The following IL1RAPL1 variants were observed in gnomAD, a reference collection of about 807,000 sequenced individuals.
The protein encoded by IL1RAPL1 is interleukin 1 receptor accessory protein like 1, also known as interleukin-1 receptor accessory protein-like 1.
Under a neutral mutation model 48.4 loss-of-function variants are expected in IL1RAPL1, and 3 were observed. That is an observed-to-expected ratio of 0.06 (90% confidence interval 0.03 to 0.16). IL1RAPL1 has a LOEUF of 0.16. Ranked by LOEUF, IL1RAPL1 falls within the 10% of genes least tolerant of loss-of-function variation. IL1RAPL1 has a pLI of 1.00. For synonymous variants in IL1RAPL1, 185 were observed against 187.7 expected (o/e 0.99, Z 0.12); for missense variants, 349 against 530.6 (o/e 0.66, Z 3.36).
intron 2 of IL1RAPL1, among the ~76,000 whole-genome samples, chrX:28,819,979 T>G (rs1286804093): frequency 3.4e-4 from 21 of 62,147 alleles, no homozygotes; most frequent in East Asian, 2.7e-3. Context: ...TATATATATA[T>G]ATATATATAT....
chrX:29,563,394 A>G (rs1922303552), intron 5 of IL1RAPL1, among the ~76,000 whole-genome samples: 1 of 111,949 alleles, frequency 8.9e-6, no homozygotes, highest in Non-Finnish European at 1.9e-5. Context: ...GGTTCCTTAG[A>G]GATGATATAC....
intron 5 of IL1RAPL1, among the ~76,000 whole-genome samples, chrX:29,638,268 C>CTTTTT (rs775877178): frequency 2.1e-5 from 2 of 93,364 alleles, no homozygotes; most frequent in Admixed American, 1.2e-4. Flanking sequence ...CACCAATTAA[C>CTTTTT]TTTTTTTTTT....
chrX:29,889,178 C>G (rs1393864264), intron 6 of IL1RAPL1, among the ~76,000 whole-genome samples: 2 of 111,357 alleles, frequency 1.8e-5, no homozygotes, highest in Non-Finnish European at 3.8e-5. Context: ...AATTGAGGCT[C>G]CTTTATATTA....
At chrX:29,639,289 C>T (rs1925086020) in intron 5 of IL1RAPL1, among the ~76,000 whole-genome samples, 1 of 111,296 alleles carries the variant, frequency 9.0e-6, no homozygotes, top group Non-Finnish European at 1.9e-5. Context: ...CTAGACATGC[C>T]TGGCTCTAAT....
At position 28,606,916 on chromosome X, in the gene IL1RAPL1, G is replaced by T. The variant is rs147050925; in HGVS notation, c.-25+18869G>T. On this transcript the variant is annotated intron_variant, in intron 1 of 10. Coordinates refer to ENST00000378993, the MANE Select transcript of IL1RAPL1 (RefSeq NM_014271.4). ...AAAAAAATAAAAATGATTGTAATGAGGTATTCTTATGTGCATCACAAATGT... is the reference window on the plus strand; with the variant it reads ...AAAAAAATAAAAATGATTGTAATGATGTATTCTTATGTGCATCACAAATGT... 1.2e-4 allele frequency among the ~76,000 whole-genome samples: 13 copies of T among 111,225 alleles called. No individual in the cohort carries two copies. The East Asian group carries it at 2.2e-3, about 19-fold the overall frequency.
At chrX:28,971,886 G>GTGTGTGTGTGTA (rs1925082462) in intron 2 of IL1RAPL1, among the ~76,000 whole-genome samples, 1 of 104,961 alleles carries the variant, frequency 9.5e-6, no homozygotes, top group African/African-American at 3.5e-5. Context: ...TTGTGTGTGT[G>GTGTGTGTGTGTA]TGTGTGTGTG....
chrX:29,779,989 G>A (rs1332156387), intron 6 of IL1RAPL1, among the ~76,000 whole-genome samples: 1 of 110,822 alleles, frequency 9.0e-6, no homozygotes, highest in Non-Finnish European at 1.9e-5. Context: ...AAAAAATTTA[G>A]GGGAAAAAAG....
chrX:29,203,722 AATATATATATATATATATATATAT>A (rs56950481), intron 2 of IL1RAPL1, among the ~76,000 whole-genome samples: 1,770 of 78,412 alleles, frequency 0.023, 81 homozygotes, highest in African/African-American at 0.091. Flanking sequence ...TCCGTCTCAA[AATATATATATATATATATATATAT>A]ATATATATAT....
At position 29,479,628 on chromosome X, in the gene IL1RAPL1, G is replaced by A. The variant is rs142466786; in HGVS notation, c.703+80320G>A. 8.8e-4 allele frequency among the ~76,000 whole-genome samples: 96 copies of A among 108,594 alleles called. No homozygotes were observed. In the Middle Eastern group the frequency reaches 0.019, roughly 21 times the overall value. The allele number at this position is 108,594 out of a possible 115,157, so 94.3% of individuals were successfully genotyped here. On this transcript the variant is annotated intron_variant, in intron 5 of 10. Coordinates refer to ENST00000378993, the MANE Select transcript of IL1RAPL1 (RefSeq NM_014271.4). ...AAATTTTAGTGCACCCATCACCTGC[G>A]CAGTGTACGCTATAATGTAGTCTTT... is the stretch of plus-strand genomic sequence containing the variant.
At chrX:28,713,485 A>G (rs956539764) in intron 1 of IL1RAPL1, among the ~76,000 whole-genome samples, 6 of 111,699 alleles carry the variant, frequency 5.4e-5, no homozygotes, top group Non-Finnish European at 1.1e-4. Flanking sequence ...ACAATTTAAT[A>G]TTATGCCTAA....
At chrX:29,006,746 A>G (rs1233672438) in intron 2 of IL1RAPL1, among the ~76,000 whole-genome samples, 1 of 107,412 alleles carries the variant, frequency 9.3e-6, no homozygotes, top group Non-Finnish European at 1.9e-5. Flanking sequence ...TGTTTCCTGG[A>G]AACAGGAAGA....
intron 5 of IL1RAPL1, among the ~76,000 whole-genome samples, chrX:29,492,929 T>G (rs1935173702): frequency 2.7e-5 from 3 of 111,669 alleles, no homozygotes. Context: ...ATTATAGACA[T>G]TGCCTGTTAA....
At chrX:29,917,214 T>C (rs779800747) in intron 6 of IL1RAPL1, among the ~76,000 whole-genome samples, 4 of 111,968 alleles carry the variant, frequency 3.6e-5, no homozygotes, top group Non-Finnish European at 7.5e-5. Context: ...ACGGGAAAAA[T>C]GTTCTGTACA....
intron 5 of IL1RAPL1, among the ~76,000 whole-genome samples, chrX:29,474,219 C>T (rs752959453): frequency 5.4e-5 from 6 of 111,936 alleles, no homozygotes; most frequent in Non-Finnish European, 1.1e-4. Context: ...GTTTCTGTCC[C>T]CTGAAATCCT....
intron 6 of IL1RAPL1, among the ~76,000 whole-genome samples, chrX:29,722,526 A>T (rs1927662710): frequency 8.9e-6 from 1 of 111,813 alleles, no homozygotes; most frequent in African/African-American, 3.3e-5. Flanking sequence ...TTGAGTGATA[A>T]ATCTTTTTTG....
intron 2 of IL1RAPL1, among the ~76,000 whole-genome samples, chrX:29,082,292 C>G (rs958300512): frequency 8.9e-6 from 1 of 111,987 alleles, no homozygotes; most frequent in African/African-American, 3.2e-5. Flanking sequence ...TTGACTTTTA[C>G]CACAATATTG....
intron 3 of IL1RAPL1, among the ~76,000 whole-genome samples, chrX:29,382,977 C>G (rs1179181030): frequency 8.9e-6 from 1 of 112,002 alleles, no homozygotes; most frequent in Non-Finnish European, 1.9e-5. Flanking sequence ...TTATGAGGTG[C>G]TGCTGGAAAG....
chrX:28,717,475 A>C (rs1403176909), intron 1 of IL1RAPL1, among the ~76,000 whole-genome samples: 3 of 111,309 alleles, frequency 2.7e-5, no homozygotes, highest in Non-Finnish European at 5.7e-5. Flanking sequence ...AGAGGTGAAC[A>C]GCACACACTG....
intron 6 of IL1RAPL1, among the ~76,000 whole-genome samples, chrX:29,703,314 T>C (rs5971673): frequency 0.1 from 11,230 of 110,414 alleles, 481 homozygotes; most frequent in Middle Eastern, 0.26. Context: ...ATGGAATATA[T>C]ATTTTATTTT....
Sources: allele counts gnomAD v4.1 joint callset (sites outside exome capture counted in the v4.1 genomes callset), GRCh38; gene constraint gnomAD v4.1.1; transcripts MANE v1.5; gene names NCBI Gene and HGNC (gene_info 2026-07-23, HGNC 2026-07-21).